RICTOR: variants seen among roughly 807,000 people sequenced by gnomAD.
RICTOR encodes rapamycin-insensitive companion of mTOR.
RICTOR carries 49 observed loss-of-function variants against 214.9 expected under a neutral mutation model. The observed-to-expected ratio is 0.23, with a 90% CI of 0.18 to 0.29. RICTOR has a LOEUF of 0.29. Ranked by LOEUF, RICTOR falls within the 10% of genes least tolerant of loss-of-function variation. The probability of loss-of-function intolerance (pLI) is 1.00; values close to 1 mark genes in which losing one functional copy is unlikely to be tolerated. For missense variants in RICTOR, 1,625 were observed against 2,047.0 expected, an observed-to-expected ratio of 0.79 and a Z score of 3.98; for synonymous variants, 717 against 711.3, an observed-to-expected ratio of 1.01 and a Z score of -0.13.
chr5:39,065,263 G>C (rs190519733), intron 2 of RICTOR, among the ~76,000 whole-genome samples: 27 of 152,232 alleles, frequency 1.8e-4, no homozygotes, highest in Admixed American at 1.4e-3. Context: ...GAGGGAGCTG[G>C]GGGGAAGGAG....
Position 38,967,375 on chromosome 5 carries a change from A to G in RICTOR, c.1113T>C (p.Ala371=), listed in dbSNP as rs767774221. The G allele has an allele frequency of 1.2e-6, 2 of 1,613,972 alleles. No homozygotes were observed. The highest frequency in any genetic ancestry group is 3.3e-4 in the Middle Eastern group (2 of 6,060). ...GATGAGGAAGAATAGTTTTTGCCTC[A>G]GCTGCCACAAAGCCATCTGAAAGCC... is the stretch of plus-strand genomic sequence containing the variant. ...SWRLSDGFVA[A]EAKTILPHRA... The change falls in exon 13 of 38, where the codon GCT becomes GCC. Residue 371 remains alanine, a synonymous_variant. Transcript: ENST00000357387.
intron 25 of RICTOR, among the ~76,000 whole-genome samples, 169 bp downstream of exon 25, chr5:38,957,483 T>G (rs1438983478): frequency 5.3e-5 from 8 of 152,200 alleles, no homozygotes; most frequent in Admixed American, 5.2e-4. Context: ...TGTATAACTA[T>G]AAATACTAGC....
chr5:38,966,819 A>G, intron 14 of RICTOR, 98 bp from the exon 15 acceptor site: 1 of 542,912 alleles, frequency 1.8e-6, no homozygotes, highest in South Asian at 2.2e-5. Flanking sequence ...TTTTTTTTTA[A>G]GACAAGAGGC....
intron 3 of RICTOR, among the ~76,000 whole-genome samples, chr5:39,017,396 G>A (rs935256967): frequency 1.3e-5 from 2 of 151,940 alleles, no homozygotes; most frequent in East Asian, 3.9e-4. Context: ...ACAATGTTGC[G>A]GTCTTAAAGA....
At chr5:38,970,303 A>G (rs1750675435) in intron 11 of RICTOR, 1 of 152,242 alleles carries the variant, frequency 6.6e-6, no homozygotes, top group African/African-American at 2.4e-5. Flanking sequence ...CTAAATGCTT[A>G]CTACTACATA....
intron 6 of RICTOR, 105 bp from the exon 7 acceptor site, chr5:38,991,180 G>T: frequency 1.8e-6 from 1 of 570,636 alleles, no homozygotes; most frequent in Non-Finnish European, 2.9e-6. Flanking sequence ...TCCAGAATAA[G>T]ATCTAGGTAT....
chr5:39,069,943 T>C (rs867680204), intron 2 of RICTOR, among the ~76,000 whole-genome samples: 10 of 152,354 alleles, frequency 6.6e-5, no homozygotes, highest in Middle Eastern at 6.8e-3. Context: ...TTGGGTTACC[T>C]CTGTTTCCTA....
chr5:38,960,558 AAAGGT>A (rs758844613), intron 19 of RICTOR, 25 bp from the exon 20 acceptor site: 12 of 1,606,798 alleles, frequency 7.5e-6, no homozygotes, highest in Non-Finnish European at 1.0e-5. Flanking sequence ...CAAGTAGCAA[AAAGGT>A]AAGAAATGAA....
chr5:38,996,791 G>A (rs1406774996), intron 6 of RICTOR, 28 bp downstream of exon 6: 1 of 1,418,594 alleles, frequency 7.0e-7, no homozygotes, highest in Non-Finnish European at 9.8e-7. Flanking sequence ...CCATAAATTT[G>A]CCTTTTACTC....
At chr5:38,985,871 T>C (rs1261559703) in intron 7 of RICTOR, among the ~76,000 whole-genome samples, 1 of 152,108 alleles carries the variant, frequency 6.6e-6, no homozygotes, top group Non-Finnish European at 1.5e-5. Context: ...AATTTTTGTA[T>C]TTTTAGTAGA....
chr5:39,000,026 GTTATT>G (rs1482881072), intron 5 of RICTOR, among the ~76,000 whole-genome samples: 1 of 151,802 alleles, frequency 6.6e-6, no homozygotes, highest in African/African-American at 2.4e-5. Context: ...AATAAAGAGG[GTTATT>G]TTATAATTAT....
chr5:39,047,868 T>C (rs1757600966), intron 2 of RICTOR, among the ~76,000 whole-genome samples: 1 of 152,216 alleles, frequency 6.6e-6, no homozygotes, highest in Admixed American at 6.5e-5. Flanking sequence ...AACTAAGTTA[T>C]TGAAACTGTT....
At chr5:39,073,111 T>C (rs1759442343) in intron 2 of RICTOR, among the ~76,000 whole-genome samples, 1 of 152,244 alleles carries the variant, frequency 6.6e-6, no homozygotes, top group African/African-American at 2.4e-5. Flanking sequence ...ACTGATCTCA[T>C]ACAGAATGTC....
intron 2 of RICTOR, among the ~76,000 whole-genome samples, chr5:39,045,595 T>G (rs151098220): frequency 0.013 from 1,915 of 152,242 alleles, 43 homozygotes; most frequent in African/African-American, 0.043. Flanking sequence ...AAATGAACCC[T>G]GTGAAAGAAT....
At chr5:39,045,999 G>GT (rs1757463021) in intron 2 of RICTOR, among the ~76,000 whole-genome samples, 1 of 151,012 alleles carries the variant, frequency 6.6e-6, no homozygotes, top group South Asian at 2.1e-4. Flanking sequence ...TTCATGGATC[G>GT]TCAGTCTCTT....
chr5:39,006,847 T>C (rs1176192595), intron 3 of RICTOR, among the ~76,000 whole-genome samples: 1 of 151,730 alleles, frequency 6.6e-6, no homozygotes, highest in East Asian at 1.9e-4. Context: ...TATCAGATAT[T>C]GCAACACTGC....
At chr5:38,944,683 A>T (rs1747979521) in intron 35 of RICTOR, 114 bp from the exon 36 acceptor site, 1 of 987,728 alleles carries the variant, frequency 1.0e-6, no homozygotes, top group Non-Finnish European at 1.5e-6. Flanking sequence ...ATTACACATG[A>T]TCTACCAATC....
In RICTOR at chr5:38,959,854, T is replaced by C. The variant is rs1017455673; in HGVS notation, c.1976A>G (p.Tyr659Cys). 5 of 1,613,104 alleles carry C rather than the reference T, an allele frequency of 3.1e-6. No homozygotes were observed. The highest frequency in any genetic ancestry group is 2.2e-5 in the East Asian group (1 of 44,800). ...NGLLTTLSQH[Y>C]FLFIGTLSCH... ...AGAAAGTGTTCCAATAAATAAAAAG[T>C]AGTGTTGACTAAGGGTGGTCAATAA... Residue 659 changes from tyrosine (Y) to cysteine (C), a missense_variant, in exon 21 of 38, where the codon TAC (tyrosine) becomes TGC (cysteine). Physicochemically the swap from Tyr to Cys is radical, Grantham distance 194. Around this residue, in one of 5 missense-constraint regions of RICTOR, gnomAD observed 1,214 missense variants for 1,470.5 expected, o/e 0.83. Coordinates refer to ENST00000357387, the MANE Select transcript of RICTOR (RefSeq NM_152756.5).
chr5:38,972,287 TC>T (rs1750852260), intron 10 of RICTOR, among the ~76,000 whole-genome samples: 1 of 152,186 alleles, frequency 6.6e-6, no homozygotes, highest in Admixed American at 6.5e-5. Flanking sequence ...ATGGTCTGTC[TC>T]CCCTCTTTTA....
Sources: allele counts gnomAD v4.1 joint callset (sites outside exome capture counted in the v4.1 genomes callset), GRCh38; gene constraint gnomAD v4.1.1; regional missense constraint gnomAD v4.1.1; transcripts MANE v1.5; gene names NCBI Gene and HGNC (gene_info 2026-07-23, HGNC 2026-07-21).